Variants in MAP3K13 observed in about 807,000 individuals in gnomAD.
MAP3K13 encodes mitogen-activated protein kinase kinase kinase 13.
In MAP3K13, 52 loss-of-function variants were observed where a neutral mutation model predicts 104.0. The observed-to-expected ratio is 0.50, with a 90% CI of 0.40 to 0.63. The LOEUF is 0.63. MAP3K13 is among the 20% of genes least tolerant of loss of function. MAP3K13 has a pLI of 0.00. For missense variants in MAP3K13, 914 were observed against 1,218.5 expected, an observed-to-expected ratio of 0.75 and a Z score of 3.72; for synonymous variants, 394 against 442.2, an observed-to-expected ratio of 0.89 and a Z score of 1.37.
chr3:185,455,866 A>ATATATATAT lies in MAP3K13; in HGVS notation c.1278+4471_1278+4472insTATATATAT, dbSNP rs1560121109. Among the ~76,000 whole-genome samples the ATATATATAT allele has an allele frequency of 5.1e-5, 3 of 58,798 alleles. 1 individual carries two copies. The highest frequency in any genetic ancestry group is 1.4e-4 in the Non-Finnish European group (3 of 22,088). The allele number at this position is 58,798 out of a possible 152,430, so 38.6% of individuals were successfully genotyped here. A position where few individuals can be genotyped will look rare whatever the true frequency, so the allele number is the denominator to read the frequency against. On this transcript the variant is annotated intron_variant, in intron 7 of 13. Transcript: ENST00000265026. ...ATGAGATATATATGAGATATATATGAGATATAGATGAGATATATGATATAG... is the reference window on the plus strand; with the variant it reads ...ATGAGATATATATGAGATATATATGATATATATATGATATAGATGAGATATATGATATAG...
At position 185,473,613 on chromosome 3, in the gene MAP3K13, C is replaced by T; in HGVS notation, c.2282C>T (p.Pro761Leu). The stretch of plus-strand genomic sequence containing the variant: ...AGGAGCCCTGACCTTTCCAAGTCAC[C>T]AGCACATAATCCTCTCTTGGAAAAC... ...VGRSPDLSKS[P>L]AHNPLLENAQ... The change falls in exon 11 of 14, where the codon CCA becomes CTA. Residue 761 changes from proline to leucine, a missense_variant. By Grantham distance (98) the Pro-to-Leu change is moderately conservative. Transcript: ENST00000265026. This position sits in a 1 kb window ranked among gnomAD's most constrained non-coding sequence, Gnocchi z 4.9. 6.2e-7 allele frequency: 1 copy of T among 1,614,176 alleles called. No homozygotes were observed. Among genetic ancestry groups the T allele is most frequent in the Non-Finnish European group, 8.5e-7 (1 of 1,180,038 alleles).
chr3:185,400,486 T>A (rs1463983488), intron 1 of MAP3K13, among the ~76,000 whole-genome samples: 1 of 152,240 alleles, frequency 6.6e-6, no homozygotes, highest in Non-Finnish European at 1.5e-5. Flanking sequence ...ACACAGATGA[T>A]TAACATAGAT....
At chr3:185,295,156 G>A (rs1396120479) in intron 2 of MAP3K13, among the ~76,000 whole-genome samples, 1 of 151,970 alleles carries the variant, frequency 6.6e-6, no homozygotes, top group Non-Finnish European at 1.5e-5. Context: ...CCAATTCTCT[G>A]ACAATGCCAT....
At chr3:185,342,494 CA>C (rs899362609) in intron 2 of MAP3K13, among the ~76,000 whole-genome samples, 3 of 152,014 alleles carry the variant, frequency 2.0e-5, no homozygotes, top group Non-Finnish European at 4.4e-5. Flanking sequence ...CATTGGAAGG[CA>C]AGAATATTTT....
chr3:185,455,691 T>TGATATATATGA (rs1716619679), intron 7 of MAP3K13, among the ~76,000 whole-genome samples: 1 of 17,844 alleles, frequency 5.6e-5, no homozygotes, highest in Admixed American at 1.0e-3. Flanking sequence ...GATATATATA[T>TGATATATATGA]GATATATATA....
At position 185,331,228 on chromosome 3, in the gene MAP3K13, G is replaced by C. The variant is rs1722263429; in HGVS notation, c.-86+45585G>C. On this transcript the variant is annotated intron_variant, in intron 2 of 14. Transcript: ENST00000424227. ...CCTGCCTCAGCCTCCCCAGTAGCTGGGATTACAGACATGCGCCACCATGCC... is the reference window on the plus strand; with the variant it reads ...CCTGCCTCAGCCTCCCCAGTAGCTGCGATTACAGACATGCGCCACCATGCC... Among the ~76,000 whole-genome samples, 3 of 150,998 alleles carry C rather than the reference G, an allele frequency of 2.0e-5. No individual in the cohort carries two copies. In the South Asian group the frequency reaches 6.3e-4, roughly 32 times the overall value.
rs144831165 is a variant in MAP3K13, at chr3:185,460,215, G to A, written c.1279-3335G>A. Among the ~76,000 whole-genome samples, 99 of 152,304 alleles carry A rather than the reference G, an allele frequency of 6.5e-4. 1 individual carries two copies. Among genetic ancestry groups the A allele is most frequent in the South Asian group, 1.7e-3 (8 of 4,820 alleles). On this transcript the variant is annotated intron_variant, in intron 7 of 13. Transcript: ENST00000265026. ...CTAAACCTTGAATAGTACGGAGCCT[G>A]ACTGCTGTCCATCAGAACACGTTTC...
chr3:185,355,243 G>A (rs1723302002), intron 2 of MAP3K13, among the ~76,000 whole-genome samples: 1 of 152,008 alleles, frequency 6.6e-6, no homozygotes, highest in Non-Finnish European at 1.5e-5. Context: ...AGGCTGAGGC[G>A]GGCAGATCAC....
At chr3:185,313,511 T>C (rs759570427) in intron 2 of MAP3K13, among the ~76,000 whole-genome samples, 18 of 151,978 alleles carry the variant, frequency 1.2e-4, no homozygotes, top group Non-Finnish European at 2.6e-4. Flanking sequence ...CCTCGTGATC[T>C]GCCCACCTCG....
chr3:185,297,960 TTCTG>T (rs1560038045), intron 2 of MAP3K13, among the ~76,000 whole-genome samples: 1 of 151,790 alleles, frequency 6.6e-6, no homozygotes, highest in Admixed American at 6.6e-5. Context: ...AGTTTCCTAA[TTCTG>T]TCTTTTTTTT....
Position 185,482,209 on chromosome 3 carries a change from T to C in MAP3K13, c.2800-146T>C. 1.6e-6 allele frequency: 1 copy of C among 627,626 alleles called. No homozygotes were observed. Among genetic ancestry groups the C allele is most frequent in the Non-Finnish European group, 2.9e-6 (1 of 349,338 alleles). The allele number at this position is 627,626 out of a possible 1,614,324, so 38.9% of individuals were successfully genotyped here. ...TCATAATCATCATGTGTTTTCTTTC[T>C]CCATAAGTCCCACAAGGACAGGACC... On this transcript the variant is annotated intron_variant, in intron 13 of 13. Coordinates refer to ENST00000265026, the MANE Select transcript of MAP3K13 (RefSeq NM_004721.5). The surrounding 1 kb of genome is among the most constrained non-coding windows in gnomAD (Gnocchi z 4.5).
intron 2 of MAP3K13, among the ~76,000 whole-genome samples, chr3:185,349,168 GT>G (rs534653989): frequency 1.1e-4 from 17 of 151,566 alleles, no homozygotes; most frequent in African/African-American, 4.1e-4. Context: ...ACATGTGCAG[GT>G]TTGTTACATT....
chr3:185,344,044 T>C (rs1018541469), intron 2 of MAP3K13, among the ~76,000 whole-genome samples: 4 of 152,256 alleles, frequency 2.6e-5, no homozygotes, highest in African/African-American at 7.2e-5. Flanking sequence ...AAGATATGCA[T>C]GTGTTCATTC....
chr3:185,455,939 ATATATATATGATG>A (rs1019846052), intron 7 of MAP3K13, among the ~76,000 whole-genome samples: 10 of 143,112 alleles, frequency 7.0e-5, no homozygotes, highest in Admixed American at 6.5e-4. Context: ...TATATATGAG[ATATATATATGATG>A]TATATATATG....
chr3:185,305,900 T>C (rs1205534385), intron 2 of MAP3K13, among the ~76,000 whole-genome samples: 1 of 152,180 alleles, frequency 6.6e-6, no homozygotes, highest in East Asian at 1.9e-4. Context: ...ACCCAATAGT[T>C]AGTGTTTCAA....
intron 1 of MAP3K13, among the ~76,000 whole-genome samples, chr3:185,283,777 T>C (rs1720398068): frequency 6.6e-6 from 1 of 152,200 alleles, no homozygotes; most frequent in Non-Finnish European, 1.5e-5. Flanking sequence ...GAAGAACTTG[T>C]AGGGAAATGA....
rs148618738 is a variant in MAP3K13, at chr3:185,461,108, T to G, written c.1279-2442T>G. Among the ~76,000 whole-genome samples the G allele has an allele frequency of 6.1e-3, 933 of 152,326 alleles. 15 individuals carry two copies. The highest frequency in any genetic ancestry group is 0.039 in the Admixed American group (597 of 15,290). ...CTGCTCCATGACTTTGATCTGATGA[T>G]TGAGAGAATAGCATTAGCAGGGGCT... On this transcript the variant is annotated intron_variant, in intron 7 of 13. Transcript: ENST00000265026.
chr3:185,378,793 A>G (rs1560074232), intron 1 of MAP3K13, among the ~76,000 whole-genome samples: 1 of 152,184 alleles, frequency 6.6e-6, no homozygotes, highest in East Asian at 1.9e-4. Context: ...CAGGCACCTC[A>G]GACCATTTGC....
At chr3:185,480,117 C>A in intron 12 of MAP3K13, 115 bp from the exon 13 acceptor site, 1 of 976,990 alleles carries the variant, frequency 1.0e-6, no homozygotes, top group Non-Finnish European at 1.5e-6. Flanking sequence ...TTTCTTAGGC[C>A]TCCTTGATGG....
Sources: gnomAD v4.1 joint callset for allele counts (sites outside exome capture counted in the v4.1 genomes callset) on GRCh38, gnomAD v4.1.1 for gene constraint, Gnocchi (gnomAD v3.1) non-coding constraint, MANE v1.5 for transcripts, NCBI Gene and HGNC (gene_info 2026-07-23, HGNC 2026-07-21) for gene names.